Variants in CACNA2D3 observed in about 807,000 individuals in gnomAD.
The protein encoded by CACNA2D3 is calcium voltage-gated channel auxiliary subunit alpha2delta 3.
A neutral mutation model predicts 160.6 loss-of-function variants in CACNA2D3; 60 were observed. The ratio of observed to expected loss-of-function variants is 0.37; its 90% CI spans 0.30 to 0.46. The LOEUF (loss-of-function observed/expected upper bound fraction) is 0.46, where lower values mean the gene tolerates loss of function less well. CACNA2D3 is among the 20% of genes least tolerant of loss of function. The probability of loss-of-function intolerance (pLI) is 1.00; values close to 1 mark genes in which losing one functional copy is unlikely to be tolerated. For synonymous variants in CACNA2D3, 558 were observed against 492.9 expected (o/e 1.13, Z -1.75); for missense variants, 1,205 against 1,365.0 (o/e 0.88, Z 1.85).
intron 4 of CACNA2D3, among the ~76,000 whole-genome samples, chr3:54,414,403 G>A (rs1323284933): frequency 6.6e-6 from 1 of 152,014 alleles, no homozygotes; most frequent in South Asian, 2.1e-4. Context: ...AAGACAAAAA[G>A]TGCAACTTTA....
chr3:54,770,711 T>C (rs1045376541), intron 13 of CACNA2D3, among the ~76,000 whole-genome samples: 6 of 152,220 alleles, frequency 3.9e-5, no homozygotes, highest in Admixed American at 3.9e-4. Context: ...CTGTTCCCCA[T>C]GCTTGAGTTG....
chr3:54,735,537 T>C (rs533133731), intron 11 of CACNA2D3, among the ~76,000 whole-genome samples: 271 of 152,330 alleles, frequency 1.8e-3, no homozygotes, highest in African/African-American at 6.1e-3. Context: ...TAATCCATTG[T>C]TGAGATGAAC....
chr3:54,134,918 T>A (rs902337493), intron 2 of CACNA2D3, among the ~76,000 whole-genome samples: 1 of 152,198 alleles, frequency 6.6e-6, no homozygotes, highest in Non-Finnish European at 1.5e-5. Flanking sequence ...GCAGGGCGGG[T>A]GCACGAGGAG....
At chr3:54,189,026 C>G (rs569742307) in intron 2 of CACNA2D3, among the ~76,000 whole-genome samples, 5 of 152,318 alleles carry the variant, frequency 3.3e-5, no homozygotes, top group African/African-American at 9.6e-5. Flanking sequence ...GAAGCCATGG[C>G]ATCTAAGCCT....
At position 54,263,395 on chromosome 3, in the gene CACNA2D3, G is replaced by A. The variant is rs547906069; in HGVS notation, c.205-57047G>A. Among the ~76,000 whole-genome samples the A allele has an allele frequency of 2.6e-5, 4 of 152,152 alleles. No homozygotes were observed. In the South Asian group the frequency reaches 8.3e-4, roughly 32 times the overall value. The stretch of plus-strand genomic sequence containing the variant: ...CACATGGATTGTATCATTTAATTAT[G>A]AGAGCATCTCAGTGGAGTAAAGGCT... On this transcript the variant is annotated intron_variant, in intron 2 of 37. Coordinates refer to ENST00000474759, the MANE Select transcript of CACNA2D3 (RefSeq NM_018398.3).
chr3:54,402,724 A>C (rs1699492058), intron 4 of CACNA2D3, among the ~76,000 whole-genome samples: 1 of 152,206 alleles, frequency 6.6e-6, no homozygotes, highest in African/African-American at 2.4e-5. Flanking sequence ...CAGATCAAGC[A>C]GATGAAAATT....
intron 4 of CACNA2D3, among the ~76,000 whole-genome samples, chr3:54,484,013 C>T (rs1700975053): frequency 6.6e-6 from 1 of 152,142 alleles, no homozygotes; most frequent in African/African-American, 2.4e-5. Flanking sequence ...TCTGTCACCT[C>T]CTAGCTGTAG....
At chr3:54,353,933 G>A (rs1559458624) in intron 3 of CACNA2D3, among the ~76,000 whole-genome samples, 1 of 152,076 alleles carries the variant, frequency 6.6e-6, no homozygotes, top group Non-Finnish European at 1.5e-5. Context: ...CTGGCAGGAC[G>A]GCTTTTTATC....
At chr3:54,740,175 C>T (rs1701621497) in intron 11 of CACNA2D3, among the ~76,000 whole-genome samples, 1 of 152,078 alleles carries the variant, frequency 6.6e-6, no homozygotes, top group Non-Finnish European at 1.5e-5. Context: ...TATTTGAGCC[C>T]TCTGCTTGAG....
chr3:54,263,894 G>A (rs552745838), intron 2 of CACNA2D3, among the ~76,000 whole-genome samples: 1 of 152,170 alleles, frequency 6.6e-6, no homozygotes, highest in African/African-American at 2.4e-5. Flanking sequence ...TTTGGCCTGT[G>A]TTTTCTTTCA....
At chr3:54,867,528 TA>T (rs10663088) in intron 17 of CACNA2D3, among the ~76,000 whole-genome samples, 112 of 137,906 alleles carry the variant, frequency 8.1e-4, no homozygotes, top group African/African-American at 2.4e-3. Context: ...AAGCCAGCTT[TA>T]AAAAAAAAAA....
chr3:54,917,536 T>A (rs952250488), intron 27 of CACNA2D3, among the ~76,000 whole-genome samples: 11 of 152,206 alleles, frequency 7.2e-5, no homozygotes, highest in Non-Finnish European at 1.0e-4. Context: ...GCTCAGAGTA[T>A]GTTTATGTGT....
At chr3:54,752,455 C>G (rs1029162021) in intron 11 of CACNA2D3, 144 bp from the exon 12 acceptor site, 17 of 629,850 alleles carry the variant, frequency 2.7e-5, no homozygotes, top group African/African-American at 5.4e-5. Context: ...GCTGACTATA[C>G]TTCAGATGTC....
At chr3:54,502,382 T>C (rs563859032) in intron 4 of CACNA2D3, among the ~76,000 whole-genome samples, 1 of 152,348 alleles carries the variant, frequency 6.6e-6, no homozygotes, top group South Asian at 2.1e-4. Flanking sequence ...TCTGCAATTA[T>C]TTCCTTGGCT....
intron 9 of CACNA2D3, among the ~76,000 whole-genome samples, chr3:54,613,195 A>G (rs1047287973): frequency 2.0e-5 from 3 of 152,216 alleles, no homozygotes; most frequent in Non-Finnish European, 4.4e-5. Flanking sequence ...TACATTTGCA[A>G]AGAGGTGTTT....
chr3:54,458,481 G>A (rs1700439321), intron 4 of CACNA2D3, among the ~76,000 whole-genome samples: 1 of 149,116 alleles, frequency 6.7e-6, no homozygotes, highest in South Asian at 2.1e-4. Context: ...TTACTACTTT[G>A]AATATATCAT....
At chr3:54,199,982 T>C (rs886708810) in intron 2 of CACNA2D3, among the ~76,000 whole-genome samples, 1 of 152,246 alleles carries the variant, frequency 6.6e-6, no homozygotes, top group Non-Finnish European at 1.5e-5. Flanking sequence ...GAGCTAGGTA[T>C]GACTGCTTTT....
At chr3:54,978,251 T>C (rs928262398) in intron 29 of CACNA2D3, among the ~76,000 whole-genome samples, 1 of 152,172 alleles carries the variant, frequency 6.6e-6, no homozygotes, top group African/African-American at 2.4e-5. Flanking sequence ...CCAGCCCCTA[T>C]TCAAGATGGA....
chr3:54,813,715 G>A (rs1703385668), intron 13 of CACNA2D3, among the ~76,000 whole-genome samples: 2 of 152,028 alleles, frequency 1.3e-5, no homozygotes, highest in Admixed American at 1.3e-4. Flanking sequence ...CTGCCCTCAT[G>A]GAGTTTGTGA....
Sources: allele counts gnomAD v4.1 joint callset (sites outside exome capture counted in the v4.1 genomes callset), GRCh38; gene constraint gnomAD v4.1.1; transcripts MANE v1.5; gene names NCBI Gene and HGNC (gene_info 2026-07-23, HGNC 2026-07-21).